The following CSMD3 variants were observed in gnomAD, a reference collection of about 807,000 sequenced individuals.
CSMD3 encodes CUB and Sushi multiple domains 3.
CSMD3 carries 177 observed loss-of-function variants against 435.2 expected under a neutral mutation model. The ratio of observed to expected loss-of-function variants is 0.41; its 90% confidence interval spans 0.36 to 0.46. The LOEUF is 0.46. CSMD3 is among the 20% of genes least tolerant of loss of function. CSMD3 has a pLI of 0.34. For synonymous variants in CSMD3, 1,656 were observed against 1,520.5 expected, an observed-to-expected ratio of 1.09 and a Z score of -2.07; for missense variants, 4,265 against 4,504.6, an observed-to-expected ratio of 0.95 and a Z score of 1.52.
chr8:112,695,956 T>C (rs182492472), intron 13 of CSMD3, among the ~76,000 whole-genome samples: 42 of 152,148 alleles, frequency 2.8e-4, no homozygotes, highest in African/African-American at 9.4e-4. Flanking sequence ...AGAGCCAAAT[T>C]ATGAGTGAAC....
chr8:112,536,892 C>T (rs1826151327), intron 27 of CSMD3, among the ~76,000 whole-genome samples: 1 of 151,864 alleles, frequency 6.6e-6, no homozygotes. Flanking sequence ...AATTGGAAAT[C>T]ATCATTCTCA....
chr8:113,222,020 T>C (rs573221381), intron 3 of CSMD3, among the ~76,000 whole-genome samples: 92 of 62,122 alleles, frequency 1.5e-3, no homozygotes, highest in Non-Finnish European at 2.2e-3. Context: ...AGTAAATGCT[T>C]TGAAGGTTAA....
intron 16 of CSMD3, among the ~76,000 whole-genome samples, chr8:112,671,900 T>G (rs902883709): frequency 6.6e-6 from 1 of 152,108 alleles, no homozygotes; most frequent in Non-Finnish European, 1.5e-5. Context: ...AACCCCATTT[T>G]AAGTGCCTCT....
chr8:112,257,042 T>G (rs1815876430), intron 61 of CSMD3, among the ~76,000 whole-genome samples: 1 of 152,218 alleles, frequency 6.6e-6, no homozygotes, highest in South Asian at 2.1e-4. Context: ...GACTACACGA[T>G]AAACTTGGAT....
chr8:113,094,390 G>A (rs1588061680), intron 5 of CSMD3, among the ~76,000 whole-genome samples: 1 of 152,024 alleles, frequency 6.6e-6, no homozygotes, highest in Non-Finnish European at 1.5e-5. Flanking sequence ...TTCACAGACA[G>A]ATTTTCAAAG....
chr8:113,163,470 G>T (rs926560834), intron 4 of CSMD3, among the ~76,000 whole-genome samples: 2 of 151,642 alleles, frequency 1.3e-5, no homozygotes, highest in African/African-American at 4.8e-5. Context: ...AGAAATTAGT[G>T]CTAAGTATAA....
chr8:112,770,276 G>C (rs112569965), intron 13 of CSMD3, among the ~76,000 whole-genome samples: 2,919 of 151,952 alleles, frequency 0.019, 50 homozygotes, highest in Middle Eastern at 0.048. Context: ...GGTAAAGGTG[G>C]GTTTAATGCC....
intron 32 of CSMD3, among the ~76,000 whole-genome samples, chr8:112,453,397 T>C (rs1816498235): frequency 6.6e-6 from 1 of 152,100 alleles, no homozygotes. Flanking sequence ...CTAGACCTGA[T>C]AAATGACTTC....
chr8:112,349,296 A>G (rs1342224232), intron 40 of CSMD3, among the ~76,000 whole-genome samples: 1 of 152,108 alleles, frequency 6.6e-6, no homozygotes, highest in African/African-American at 2.4e-5. Context: ...AGTTTTTGAC[A>G]TTTCAAATTT....
At chr8:112,788,395 G>A (rs915016129) in intron 13 of CSMD3, among the ~76,000 whole-genome samples, 2 of 151,904 alleles carry the variant, frequency 1.3e-5, no homozygotes, top group African/African-American at 4.8e-5. Context: ...AATTCTCTCA[G>A]CTCCAATGGA....
chr8:113,349,089 T>G (rs183853234), intron 1 of CSMD3, among the ~76,000 whole-genome samples: 1 of 152,136 alleles, frequency 6.6e-6, no homozygotes, highest in Non-Finnish European at 1.5e-5. Context: ...TATATGTATA[T>G]ACCATCCTCT....
rs374707737 is a variant in CSMD3, at chr8:112,685,513, G to C, written c.2375C>G (p.Thr792Ser). The C allele has an allele frequency of 1.2e-6, 2 of 1,613,964 alleles. No individual in the cohort carries two copies. The highest frequency in any genetic ancestry group is 1.1e-5 in the South Asian group (1 of 91,080). ...AAGATGGGAAGGCACCTCAGCCCCA[G>C]TAAAGGTTCCAAGAATTGGGGATTC... is the stretch of plus-strand genomic sequence containing the variant. ...SPESPILGTF[T>S]GAEVPSHLTS... The change falls in exon 15 of 71, where the codon ACT becomes AGT. Residue 792 changes from threonine (T) to serine (S), a missense_variant. Physicochemically the swap from Thr to Ser is moderately conservative, Grantham distance 58. This residue lies in a region of CSMD3 where 279 missense variants were observed against 369.0 expected (regional missense o/e 0.76). Transcript: ENST00000297405.
intron 11 of CSMD3, among the ~76,000 whole-genome samples, chr8:112,845,537 G>C (rs1397340771): frequency 6.6e-6 from 1 of 152,040 alleles, no homozygotes; most frequent in Non-Finnish European, 1.5e-5. Flanking sequence ...TGCTTTGGGG[G>C]CTAAATAGAG....
intron 9 of CSMD3, among the ~76,000 whole-genome samples, chr8:112,928,455 G>A (rs1003745532): frequency 3.3e-5 from 5 of 152,070 alleles, no homozygotes; most frequent in African/African-American, 9.7e-5. Flanking sequence ...TACCCAATAA[G>A]ATTTCAAGAT....
chr8:112,743,313 T>G (rs1404597162), intron 13 of CSMD3, among the ~76,000 whole-genome samples: 1 of 151,322 alleles, frequency 6.6e-6, no homozygotes, highest in Non-Finnish European at 1.5e-5. Context: ...AAAAAATAAA[T>G]AAATAAAAAG....
Position 112,573,580 on chromosome 8 carries a change from A to G in CSMD3, c.3963T>C (p.Ser1321=), listed in dbSNP as rs1291653645. The part of the protein sequence containing the change: ...TGASMRGLTL[S]STSNQLWLEF... ...CTAGCCAGAGTTGATTTGAAGTACT[A>G]CTAAGTGTCAGTCCGCGCATAGATG... Residue 1321 remains serine, a synonymous_variant, in exon 24 of 71, where the codon AGT becomes AGC. Coordinates refer to ENST00000297405, the MANE Select transcript of CSMD3 (RefSeq NM_198123.2). 2 of 1,613,252 alleles carry G rather than the reference A, an allele frequency of 1.2e-6. No homozygotes were observed. The highest frequency in any genetic ancestry group is 1.1e-5 in the South Asian group (1 of 91,080).
chr8:112,480,885 A>G (rs185594166), intron 31 of CSMD3, among the ~76,000 whole-genome samples: 1 of 152,320 alleles, frequency 6.6e-6, no homozygotes, highest in East Asian at 1.9e-4. Context: ...TAGTGAGTGA[A>G]GTTTTATTCA....
chr8:113,106,190 A>G (rs1463129079), intron 4 of CSMD3, among the ~76,000 whole-genome samples: 1 of 152,116 alleles, frequency 6.6e-6, no homozygotes, highest in Non-Finnish European at 1.5e-5. Context: ...ATATAACCAC[A>G]GCAAAGCCTA....
chr8:112,696,064 C>T (rs1318272459), intron 13 of CSMD3, among the ~76,000 whole-genome samples: 9 of 152,140 alleles, frequency 5.9e-5, no homozygotes, highest in Non-Finnish European at 4.4e-5. Context: ...AACCACTGCT[C>T]AGCGAAATAA....
Sources: gnomAD v4.1 joint callset for allele counts (sites outside exome capture counted in the v4.1 genomes callset) on GRCh38, gnomAD v4.1.1 for gene constraint, gnomAD v4.1.1 regional missense constraint, MANE v1.5 for transcripts, NCBI Gene and HGNC (gene_info 2026-07-23, HGNC 2026-07-21) for gene names.